The following DCDC2 variants were observed in gnomAD, a reference collection of about 807,000 sequenced individuals.
DCDC2 encodes the protein doublecortin domain containing 2.
Under a neutral mutation model 50.2 loss-of-function variants are expected in DCDC2, and 40 were observed. The observed-to-expected ratio is 0.80, with a 90% CI of 0.62 to 1.04. The LOEUF (loss-of-function observed/expected upper bound fraction) is 1.04. Among genes scored for constraint, DCDC2 ranks in the 50% least tolerant of loss-of-function variants. The pLI is 0.00. For missense variants in DCDC2, 570 were observed against 581.9 expected, an observed-to-expected ratio of 0.98 and a Z score of 0.21; for synonymous variants, 234 against 210.6, an observed-to-expected ratio of 1.11 and a Z score of -0.96.
At chr6:24,193,302 A>G (rs551047323) in intron 8 of DCDC2, among the ~76,000 whole-genome samples, 1 of 152,280 alleles carries the variant, frequency 6.6e-6, no homozygotes, top group African/African-American at 2.4e-5. Flanking sequence ...ATAGAATCCA[A>G]AAAAAGAAGA....
rs570851845 is a variant in DCDC2 at position 24,351,868 on chromosome 6, G to A, written c.348+1701C>T. Among the ~76,000 whole-genome samples the A allele has an allele frequency of 9.7e-4, 148 of 152,312 alleles. 1 individual carries two copies. The highest frequency in any genetic ancestry group is 3.5e-3 in the African/African-American group (146 of 41,574). On this transcript the variant is annotated intron_variant, in intron 2 of 9. Coordinates refer to ENST00000378454, the MANE Select transcript of DCDC2 (RefSeq NM_016356.5). ...TGCCAGTAATCCCAGCACTTTGGGA[G>A]GCCAAGGCGGGCGGATCATGAGGTC... is the stretch of plus-strand genomic sequence containing the variant.
At chr6:24,214,501 T>C (rs960716967) in intron 7 of DCDC2, among the ~76,000 whole-genome samples, 2 of 152,190 alleles carry the variant, frequency 1.3e-5, no homozygotes, top group Admixed American at 6.5e-5. Context: ...GCTTATTTCC[T>C]AACCTATATA....
At chr6:24,381,857 A>AGGAAGGAAGGAG in the DCDC2 span, among the ~76,000 whole-genome samples, 1 of 137,604 alleles carries the variant, frequency 7.3e-6, no homozygotes, top group East Asian at 2.0e-4. Flanking sequence ...GAAGGAAGGA[A>AGGAAGGAAGGAG]GGAGAAATAA....
intron 8 of DCDC2, among the ~76,000 whole-genome samples, chr6:24,189,222 T>C (rs1761265371): frequency 6.6e-6 from 1 of 152,156 alleles, no homozygotes; most frequent in Non-Finnish European, 1.5e-5. Flanking sequence ...TGGTAGTTGT[T>C]TCCTCTGGCT....
chr6:24,213,871 TA>T (rs1217006270), intron 7 of DCDC2, among the ~76,000 whole-genome samples: 1 of 152,044 alleles, frequency 6.6e-6, no homozygotes, highest in African/African-American at 2.4e-5. Context: ...GGATTAAATA[TA>T]AAAAAATCAT....
the DCDC2 span, among the ~76,000 whole-genome samples, chr6:24,369,194 T>TCAAA: frequency 6.9e-6 from 1 of 144,278 alleles, no homozygotes; most frequent in African/African-American, 2.6e-5. Context: ...AAAAGAGTAA[T>TCAAA]CAAAATGTAA....
At chr6:24,237,164 C>A (rs1762461293) in intron 7 of DCDC2, among the ~76,000 whole-genome samples, 2 of 146,826 alleles carry the variant, frequency 1.4e-5, no homozygotes, top group Admixed American at 6.7e-5. Context: ...TCACTCTAGT[C>A]AGAATGGCTA....
intron 5 of DCDC2, among the ~76,000 whole-genome samples, chr6:24,290,181 G>A (rs989751629): frequency 6.2e-4 from 93 of 150,758 alleles, no homozygotes; most frequent in African/African-American, 2.2e-3. Flanking sequence ...TTTTAGTAGA[G>A]ACGGGGTTTC....
upstream of DCDC2, among the ~76,000 whole-genome samples, chr6:24,362,374 G>T (rs1742276): frequency 2.3e-5 from 2 of 88,676 alleles, no homozygotes; most frequent in African/African-American, 3.8e-5. Context: ...TTAATTGTAT[G>T]TTTATACAAT....
At chr6:24,193,938 A>G (rs1421001506) in intron 8 of DCDC2, among the ~76,000 whole-genome samples, 1 of 152,158 alleles carries the variant, frequency 6.6e-6, no homozygotes, top group African/African-American at 2.4e-5. Flanking sequence ...ATACCACCCA[A>G]TGAAAGGGAT....
chr6:24,333,618 T>C (rs1414016232), intron 2 of DCDC2, among the ~76,000 whole-genome samples: 1 of 152,188 alleles, frequency 6.6e-6, no homozygotes, highest in African/African-American at 2.4e-5. Flanking sequence ...CCAAAAAACA[T>C]TGATGTAAAG....
intron 2 of DCDC2, among the ~76,000 whole-genome samples, chr6:24,337,984 T>C (rs1240300409): frequency 2.6e-5 from 4 of 152,194 alleles, no homozygotes; most frequent in African/African-American, 7.2e-5. Flanking sequence ...AGACACTGAA[T>C]GATCATCTTT....
At chr6:24,348,352 G>C (rs1051290569) in intron 2 of DCDC2, among the ~76,000 whole-genome samples, 1 of 152,164 alleles carries the variant, frequency 6.6e-6, no homozygotes. Context: ...AAAGATCTCC[G>C]TAAAAGATGG....
chr6:24,259,080 G>A lies in DCDC2; in HGVS notation c.922+18969C>T, dbSNP rs142121912. On this transcript the variant is annotated intron_variant, in intron 7 of 9. Transcript: ENST00000378454. ...TCTCCTCTTCCCCCTTTCCACTAGC[G>A]TGGGTCACACTCAGATTTCTAGCTG... is the stretch of plus-strand genomic sequence containing the variant. Among the ~76,000 whole-genome samples, 104 of 151,876 alleles carry A rather than the reference G, an allele frequency of 6.8e-4. No homozygotes were observed. The East Asian group carries it at 0.016, about 23-fold the overall frequency.
rs577625411 is a variant in DCDC2, at chr6:24,182,068, A to C, written c.1024-3436T>G. Among the ~76,000 whole-genome samples, 3 of 152,340 alleles carry C rather than the reference A, an allele frequency of 2.0e-5. No individual in the cohort carries two copies. In the South Asian group the frequency reaches 6.2e-4, roughly 32 times the overall value. On this transcript the variant is annotated intron_variant, in intron 8 of 9. Coordinates refer to ENST00000378454, the MANE Select transcript of DCDC2 (RefSeq NM_016356.5). The stretch of plus-strand genomic sequence containing the variant: ...GCCAACACCATTCAGTAGGGAAAGG[A>C]CAGTCTTTCAACAAATTGTGCTGGG...
At chr6:24,344,646 A>G (rs967973683) in intron 2 of DCDC2, among the ~76,000 whole-genome samples, 5 of 152,234 alleles carry the variant, frequency 3.3e-5, no homozygotes, top group Non-Finnish European at 5.9e-5. Flanking sequence ...CATTAGACTG[A>G]TATTTCACTG....
chr6:24,233,924 C>T (rs1323407480), intron 7 of DCDC2, among the ~76,000 whole-genome samples: 1 of 152,158 alleles, frequency 6.6e-6, no homozygotes, highest in Non-Finnish European at 1.5e-5. Flanking sequence ...CAAACATTTA[C>T]TGAGTATCTA....
In DCDC2 at chr6:24,316,414, G is replaced by A. The variant is rs139968482; in HGVS notation, c.349-14370C>T. 4.4e-3 allele frequency among the ~76,000 whole-genome samples: 669 copies of A among 152,126 alleles called. 9 individuals are homozygous for A. The highest frequency in any genetic ancestry group is 0.013 in the African/African-American group (542 of 41,506). ...ATGGTAAGGGGTAAACCAAGAGAGC[G>A]AACCATTTCAGAAGCTAAGAGAGAA... On this transcript the variant is annotated intron_variant, in intron 2 of 9. Transcript: ENST00000378454.
chr6:24,276,092 C>T (rs925723412), intron 7 of DCDC2, among the ~76,000 whole-genome samples: 5 of 151,860 alleles, frequency 3.3e-5, no homozygotes, highest in Non-Finnish European at 7.4e-5. Context: ...AGGCTGGTCT[C>T]AAACTCAAGC....
Sources: allele counts gnomAD v4.1 joint callset (sites outside exome capture counted in the v4.1 genomes callset), GRCh38; gene constraint gnomAD v4.1.1; transcripts MANE v1.5; gene names NCBI Gene and HGNC (gene_info 2026-07-23, HGNC 2026-07-21).